Variants in GPC5 observed in about 807,000 individuals in gnomAD.
The protein encoded by GPC5 is glypican-5.
In GPC5, 47 loss-of-function variants were observed where a neutral mutation model predicts 53.9. The observed-to-expected ratio is 0.87, with a 90% CI of 0.69 to 1.11. The LOEUF (loss-of-function observed/expected upper bound fraction) is 1.11, where lower values mean the gene tolerates loss of function less well. Among genes scored for constraint, GPC5 ranks in the 50% most tolerant of loss-of-function variants. The probability of loss-of-function intolerance (pLI) is 0.00; values close to 1 mark genes in which losing one functional copy is unlikely to be tolerated. For synonymous variants in GPC5, 286 were observed against 263.3 expected, an observed-to-expected ratio of 1.09 and a Z score of -0.84; for missense variants, 748 against 713.1, an observed-to-expected ratio of 1.05 and a Z score of -0.56.
chr13:92,369,673 T>C (rs796168236), intron 7 of GPC5, among the ~76,000 whole-genome samples: 29 of 152,350 alleles, frequency 1.9e-4, no homozygotes, highest in African/African-American at 7.0e-4. Context: ...TAAGTGGTAA[T>C]GACACCAAAT....
At chr13:92,040,837 C>T (rs552037617) in intron 6 of GPC5, among the ~76,000 whole-genome samples, 22 of 152,254 alleles carry the variant, frequency 1.4e-4, no homozygotes, top group Non-Finnish European at 2.8e-4. Flanking sequence ...AATTATGCTG[C>T]AGGAATTTAA....
chr13:92,561,209 AG>A (rs1375250720), intron 7 of GPC5, among the ~76,000 whole-genome samples: 1 of 151,970 alleles, frequency 6.6e-6, no homozygotes, highest in East Asian at 1.9e-4. Context: ...TTCTCTTTTC[AG>A]TAAGTTATGC....
At chr13:91,707,140 T>C (rs943457159) in intron 3 of GPC5, among the ~76,000 whole-genome samples, 5 of 152,072 alleles carry the variant, frequency 3.3e-5, no homozygotes, top group Admixed American at 1.3e-4. Context: ...AATTAGACAC[T>C]CTTACAACTC....
At chr13:92,527,182 G>GAGAGAGAAAGAAAGAGAGAGAAAGA (rs1881348721) in intron 7 of GPC5, among the ~76,000 whole-genome samples, 1 of 45,102 alleles carries the variant, frequency 2.2e-5, no homozygotes, top group East Asian at 5.7e-4. Flanking sequence ...GAGAAAGAAA[G>GAGAGAGAAAGAAAGAGAGAGAAAGA]AAGAAAGAAA....
At chr13:92,265,770 A>G (rs944290125) in intron 7 of GPC5, among the ~76,000 whole-genome samples, 10 of 152,078 alleles carry the variant, frequency 6.6e-5, no homozygotes, top group African/African-American at 1.9e-4. Context: ...TCCAGTACCA[A>G]TTTGTCTTAG....
intron 2 of GPC5, among the ~76,000 whole-genome samples, chr13:91,468,918 C>A (rs1351809178): frequency 1.5e-5 from 2 of 129,460 alleles, no homozygotes; most frequent in Admixed American, 8.5e-5. Flanking sequence ...CATTCTGTTA[C>A]TCAGGCTGGA....
chr13:91,956,743 A>C lies in GPC5; in HGVS notation c.1401+48686A>C, dbSNP rs149074031. Reference sequence around the variant, plus strand: ...GCTGAAGAAATCATATGGAAACTACACTAATGTGCACACCCAGAATCAAAG... The same window carrying C: ...GCTGAAGAAATCATATGGAAACTACCCTAATGTGCACACCCAGAATCAAAG... On this transcript the variant is annotated intron_variant, in intron 6 of 7. Coordinates refer to ENST00000377067, the MANE Select transcript of GPC5 (RefSeq NM_004466.6). Among the ~76,000 whole-genome samples the C allele has an allele frequency of 5.0e-3, 755 of 152,318 alleles. 7 individuals are homozygous for C. Among genetic ancestry groups the C allele is most frequent in the African/African-American group, 0.017 (701 of 41,582 alleles).
At chr13:91,519,747 T>C (rs553083217) in intron 2 of GPC5, among the ~76,000 whole-genome samples, 1 of 152,322 alleles carries the variant, frequency 6.6e-6, no homozygotes, top group East Asian at 1.9e-4. Context: ...AGCCAGTGAA[T>C]TCATAATGAG....
chr13:91,961,040 G>C (rs2040120953), intron 6 of GPC5, among the ~76,000 whole-genome samples: 2 of 151,590 alleles, frequency 1.3e-5, no homozygotes. Flanking sequence ...ATAGACAAAT[G>C]GAGCTATATT....
At chr13:92,527,256 AAAGAAAGAAAGAAAGAAAG>A (rs1881391451) in intron 7 of GPC5, among the ~76,000 whole-genome samples, 1 of 98,092 alleles carries the variant, frequency 1.0e-5, no homozygotes, top group Admixed American at 9.3e-5. Flanking sequence ...AAAGAGAAAG[AAAGAAAGAAAGAAAGAAAG>A]AAAGAAAAAG....
At chr13:91,795,797 C>A (rs1405229054) in intron 5 of GPC5, among the ~76,000 whole-genome samples, 1 of 152,126 alleles carries the variant, frequency 6.6e-6, no homozygotes, top group East Asian at 1.9e-4. Flanking sequence ...GCATTCCGGG[C>A]TTTCTCTACC....
chr13:91,509,647 A>G (rs938886478), intron 2 of GPC5, among the ~76,000 whole-genome samples: 1 of 152,036 alleles, frequency 6.6e-6, no homozygotes. Context: ...ATATTAAACT[A>G]TTACTAATCA....
At chr13:92,862,107 C>A (rs1185266120) in intron 7 of GPC5, among the ~76,000 whole-genome samples, 1 of 152,102 alleles carries the variant, frequency 6.6e-6, no homozygotes, top group Admixed American at 6.6e-5. Context: ...TCAATGAGGA[C>A]CACATTTGAA....
At chr13:92,412,593 T>C (rs1876095188) in intron 7 of GPC5, among the ~76,000 whole-genome samples, 1 of 152,198 alleles carries the variant, frequency 6.6e-6, no homozygotes, top group African/African-American at 2.4e-5. Context: ...CATAAATTTT[T>C]ATTGAAACAT....
intron 7 of GPC5, among the ~76,000 whole-genome samples, chr13:92,319,477 A>T (rs1019972304): frequency 6.6e-6 from 1 of 151,580 alleles, no homozygotes; most frequent in African/African-American, 2.4e-5. Flanking sequence ...TGTATTCTTT[A>T]TAAGATCACT....
intron 7 of GPC5, chr13:92,340,458 A>G (rs2043356884): frequency 6.6e-6 from 1 of 152,124 alleles, no homozygotes; most frequent in Non-Finnish European, 1.5e-5. Context: ...TCTTGGCCTT[A>G]AGTGATCTTC....
intron 7 of GPC5, among the ~76,000 whole-genome samples, chr13:92,540,061 A>T (rs1881884130): frequency 1.3e-5 from 2 of 151,956 alleles, no homozygotes; most frequent in African/African-American, 4.8e-5. Context: ...TTTGGTTTTC[A>T]TATTCATTAT....
At chr13:92,386,791 C>T (rs1874748289) in intron 7 of GPC5, among the ~76,000 whole-genome samples, 4 of 151,954 alleles carry the variant, frequency 2.6e-5, no homozygotes, top group Admixed American at 2.6e-4. Flanking sequence ...CAGTTAGTTT[C>T]CATTTTTACT....
chr13:92,639,077 A>G (rs1057210375), intron 7 of GPC5, among the ~76,000 whole-genome samples: 10 of 152,182 alleles, frequency 6.6e-5, no homozygotes, highest in African/African-American at 2.4e-4. Flanking sequence ...TGTCTTTTAC[A>G]TAATATCCTT....
Sources: gnomAD v4.1 joint callset for allele counts (sites outside exome capture counted in the v4.1 genomes callset) on GRCh38, gnomAD v4.1.1 for gene constraint, MANE v1.5 for transcripts, NCBI Gene and HGNC (gene_info 2026-07-23, HGNC 2026-07-21) for gene names.